The following UNC13C variants were observed in gnomAD, a reference collection of about 807,000 sequenced individuals.
UNC13C encodes the protein unc-13 homolog C, also known as protein unc-13 homolog C.
UNC13C carries 174 observed loss-of-function variants against 245.4 expected under a neutral mutation model. The observed-to-expected ratio is 0.71, with a 90% CI of 0.63 to 0.80. The LOEUF (loss-of-function observed/expected upper bound fraction) is 0.80, where lower values mean the gene tolerates loss of function less well. Among genes scored for constraint, UNC13C ranks in the 30% least tolerant of loss-of-function variants. The pLI, the probability that UNC13C is intolerant of heterozygous loss-of-function variation, is 0.00. For missense variants in UNC13C, 2,829 were observed against 2,602.9 expected (o/e 1.09, Z -1.89); for synonymous variants, 992 against 895.1 (o/e 1.11, Z -1.93).
Position 54,370,898 on chromosome 15 carries a change from T to TGACATGAAATCACATGTTAGTGTAC in UNC13C, c.4714-22149_4714-22125dup, listed in dbSNP as rs567824463. On this transcript the variant is annotated intron_variant, in intron 17 of 32. Coordinates refer to ENST00000260323, the MANE Select transcript of UNC13C (RefSeq NM_001080534.3). ...ATTATAAACTTAAAAAGTTTTTAATTGACATGAAATCACATGTTAGTGTAC... is the reference window on the plus strand; with the variant it reads ...ATTATAAACTTAAAAAGTTTTTAATTGACATGAAATCACATGTTAGTGTACGACATGAAATCACATGTTAGTGTAC... Among the ~76,000 whole-genome samples the TGACATGAAATCACATGTTAGTGTAC allele has an allele frequency of 8.2e-3, 1,241 of 152,256 alleles. 17 individuals carry two copies. The highest frequency in any genetic ancestry group is 0.029 in the African/African-American group (1,194 of 41,530).
intron 4 of UNC13C, among the ~76,000 whole-genome samples, chr15:54,149,017 A>T (rs35198790): frequency 0.014 from 2,143 of 152,256 alleles, 56 homozygotes; most frequent in Admixed American, 0.066. Flanking sequence ...TGATTGGATC[A>T]TGGGGGGCAG....
At chr15:54,366,845 A>G (rs1382681044) in intron 17 of UNC13C, among the ~76,000 whole-genome samples, 1 of 152,122 alleles carries the variant, frequency 6.6e-6, no homozygotes, top group Non-Finnish European at 1.5e-5. Context: ...TCTTGACTAT[A>G]TGCATGGAAT....
At chr15:54,339,289 T>A (rs558120557) in intron 17 of UNC13C, among the ~76,000 whole-genome samples, 1 of 152,132 alleles carries the variant, frequency 6.6e-6, no homozygotes, top group Non-Finnish European at 1.5e-5. Flanking sequence ...TTTCCATAGG[T>A]TTTTGGGGAA....
Position 53,978,764 on chromosome 15 carries a change from G to C in UNC13C, c.-420G>C, listed in dbSNP as rs529220320. On this transcript the variant is annotated 5_prime_UTR_variant, in exon 1 of 33. Transcript: ENST00000260323. ...ATTGCACGAGTCGGATCCCTGGGAC[G>C]CAGCTTCCACTCCTGTTCTAACTAT... 6.6e-6 allele frequency among the ~76,000 whole-genome samples: 1 copy of C among 152,240 alleles called. No individual in the cohort carries two copies. The highest frequency in any genetic ancestry group is 2.1e-4 in the South Asian group (1 of 4,816).
chr15:54,443,580 A>C (rs1890648647), intron 19 of UNC13C, among the ~76,000 whole-genome samples: 1 of 152,022 alleles, frequency 6.6e-6, no homozygotes, highest in South Asian at 2.1e-4. Flanking sequence ...TGACTTTATC[A>C]CATATATTTT....
At chr15:53,870,227 T>A in the UNC13C span, among the ~76,000 whole-genome samples, 1 of 152,372 alleles carries the variant, frequency 6.6e-6, no homozygotes, top group African/African-American at 2.4e-5. Context: ...ATGTTTCAAG[T>A]TTACCAAGTC....
intron 10 of UNC13C, among the ~76,000 whole-genome samples, chr15:54,289,442 G>C (rs2037234491): frequency 6.6e-6 from 1 of 152,056 alleles, no homozygotes; most frequent in South Asian, 2.1e-4. Flanking sequence ...CTAGCCCGAG[G>C]TGATTAAATC....
intron 4 of UNC13C, among the ~76,000 whole-genome samples, chr15:54,193,259 T>A (rs1366783350): frequency 6.6e-6 from 1 of 152,152 alleles, no homozygotes; most frequent in Non-Finnish European, 1.5e-5. Context: ...GAATCATAAA[T>A]TCACCCTCAA....
chr15:54,259,002 G>A (rs1389372718), intron 8 of UNC13C, among the ~76,000 whole-genome samples: 3 of 152,152 alleles, frequency 2.0e-5, no homozygotes, highest in Non-Finnish European at 4.4e-5. Context: ...GCACAGTCAG[G>A]GCCCATGGAG....
At chr15:54,422,801 A>G (rs1168718720) in intron 19 of UNC13C, among the ~76,000 whole-genome samples, 2 of 151,720 alleles carry the variant, frequency 1.3e-5, no homozygotes, top group African/African-American at 2.4e-5. Flanking sequence ...TTCTCCCCAA[A>G]ACACTTATTA....
the UNC13C span, among the ~76,000 whole-genome samples, chr15:53,850,553 A>G: frequency 2.6e-5 from 4 of 152,154 alleles, no homozygotes; most frequent in African/African-American, 9.7e-5. Context: ...CGAATCTGCA[A>G]TCATTCCTTG....
At chr15:54,505,668 T>C (rs918159320) in intron 22 of UNC13C, among the ~76,000 whole-genome samples, 29 of 152,166 alleles carry the variant, frequency 1.9e-4, no homozygotes, top group African/African-American at 6.7e-4. Flanking sequence ...AAGTGTACAT[T>C]GTACATTAGT....
intron 2 of UNC13C, among the ~76,000 whole-genome samples, chr15:54,128,414 T>C (rs1330837604): frequency 1.3e-5 from 2 of 152,224 alleles, no homozygotes; most frequent in African/African-American, 4.8e-5. Flanking sequence ...ATATTTAGAA[T>C]TGTTTTAAAG....
intron 4 of UNC13C, among the ~76,000 whole-genome samples, chr15:54,223,765 A>G (rs1444755462): frequency 6.6e-6 from 1 of 152,060 alleles, no homozygotes; most frequent in Non-Finnish European, 1.5e-5. Flanking sequence ...CCTCCAGTCT[A>G]TGAACATGGA....
At chr15:54,551,308 G>A (rs909033923) in intron 28 of UNC13C, among the ~76,000 whole-genome samples, 3 of 152,058 alleles carry the variant, frequency 2.0e-5, no homozygotes, top group African/African-American at 7.2e-5. Context: ...CCATCTCAGT[G>A]CAAGGAATCA....
At chr15:54,556,560 C>G (rs538507975) in intron 29 of UNC13C, among the ~76,000 whole-genome samples, 1 of 151,290 alleles carries the variant, frequency 6.6e-6, no homozygotes, top group African/African-American at 2.4e-5. Context: ...AAAGAGGTAG[C>G]CAAAATGTTG....
chr15:53,928,854 C>T, the UNC13C span, among the ~76,000 whole-genome samples: 1 of 152,182 alleles, frequency 6.6e-6, no homozygotes, highest in African/African-American at 2.4e-5. Context: ...CCAACAATTT[C>T]AAGAGAAGAG....
At chr15:54,207,855 T>C (rs1396732193) in intron 4 of UNC13C, among the ~76,000 whole-genome samples, 1 of 152,164 alleles carries the variant, frequency 6.6e-6, no homozygotes, top group Admixed American at 6.6e-5. Flanking sequence ...TGGAACAAAA[T>C]ACTTAACATC....
At chr15:54,416,316 C>G (rs1000867273) in intron 19 of UNC13C, among the ~76,000 whole-genome samples, 2 of 151,946 alleles carry the variant, frequency 1.3e-5, no homozygotes, top group African/African-American at 4.8e-5. Flanking sequence ...CTTTCCTGTA[C>G]CAGGTTGCAG....
Sources: allele counts gnomAD v4.1 joint callset (sites outside exome capture counted in the v4.1 genomes callset), GRCh38; gene constraint gnomAD v4.1.1; transcripts MANE v1.5; gene names NCBI Gene and HGNC (gene_info 2026-07-23, HGNC 2026-07-21).